ZNF184: variants seen among roughly 807,000 people sequenced by gnomAD.
ZNF184 encodes zinc finger protein 184.
Under a neutral mutation model 54.4 loss-of-function variants are expected in ZNF184, and 16 were observed. That is an observed-to-expected ratio of 0.29 (90% CI 0.20 to 0.45). The LOEUF (loss-of-function observed/expected upper bound fraction) is 0.45, where lower values mean the gene tolerates loss of function less well. ZNF184 is among the 20% of genes least tolerant of loss of function. ZNF184 has a pLI of 1.00. For missense variants in ZNF184, 681 were observed against 888.2 expected (o/e 0.77, Z 2.97); for synonymous variants, 254 against 295.3 (o/e 0.86, Z 1.43).
intron 3 of ZNF184, among the ~76,000 whole-genome samples, chr6:27,463,037 G>A (rs1216199738): frequency 7.3e-6 from 1 of 137,830 alleles, no homozygotes; most frequent in Non-Finnish European, 1.6e-5. Context: ...CAAAACGTTA[G>A]GCAGAGATAT....
downstream of ZNF184, among the ~76,000 whole-genome samples, chr6:27,447,369 T>C (rs150138214): frequency 2.0e-5 from 3 of 152,232 alleles, no homozygotes; most frequent in Non-Finnish European, 2.9e-5. Flanking sequence ...AAAATTCATG[T>C]TGAAATTTAA....
rs189334276 is a variant in ZNF184, at chr6:27,456,190, A to T, written c.298+636T>A. ...GGAGGATTACTCAAGCCTGGGAAGC[A>T]GAAGCTGCAGTGAGCCAAGATTACG... On this transcript the variant is annotated intron_variant, in intron 5 of 5. Coordinates refer to ENST00000683788, the MANE Select transcript of ZNF184 (RefSeq NM_001318891.2). Among the ~76,000 whole-genome samples, 923 of 152,196 alleles carry T rather than the reference A, an allele frequency of 6.1e-3. 19 individuals carry two copies. Among genetic ancestry groups the T allele is most frequent in the Middle Eastern group, 0.017 (5 of 294 alleles).
downstream of ZNF184, among the ~76,000 whole-genome samples, chr6:27,450,330 C>T (rs750283081): frequency 2.6e-5 from 4 of 152,190 alleles, no homozygotes; most frequent in Non-Finnish European, 5.9e-5. Context: ...ATGTTGAAAG[C>T]CTAATCTGCA....
chr6:27,409,705 AAGTT>A, the ZNF184 span, among the ~76,000 whole-genome samples: 1 of 152,140 alleles, frequency 6.6e-6, no homozygotes, highest in Admixed American at 6.5e-5. Flanking sequence ...AAGTTATAGT[AAGTT>A]AAGATTAATT....
downstream of ZNF184, among the ~76,000 whole-genome samples, chr6:27,450,362 G>A (rs1242098848): frequency 6.6e-6 from 1 of 152,060 alleles, no homozygotes; most frequent in Admixed American, 6.6e-5. Context: ...TTAGGAGGGG[G>A]GCCTTTGGGA....
intron 3 of ZNF184, among the ~76,000 whole-genome samples, chr6:27,464,237 C>A (rs1242549642): frequency 6.6e-6 from 1 of 152,166 alleles, no homozygotes; most frequent in Non-Finnish European, 1.5e-5. Context: ...TAATTATACA[C>A]AATTATTTTC....
chr6:27,459,467 G>A (rs1762945602), intron 3 of ZNF184, among the ~76,000 whole-genome samples: 1 of 151,648 alleles, frequency 6.6e-6, no homozygotes, highest in Admixed American at 6.6e-5. Flanking sequence ...CGAGGAAAAT[G>A]TGAAACCATG....
At chr6:27,420,781 C>T in the ZNF184 span, among the ~76,000 whole-genome samples, 1 of 152,158 alleles carries the variant, frequency 6.6e-6, no homozygotes, top group East Asian at 1.9e-4. Flanking sequence ...TCAGCAATCG[C>T]ACTCATTGGC....
chr6:27,454,989 C>T (rs374657964), intron 5 of ZNF184, among the ~76,000 whole-genome samples: 1 of 152,012 alleles, frequency 6.6e-6, no homozygotes. Flanking sequence ...AAGACAGCTC[C>T]GAGAAGATGG....
Position 27,451,186 on chromosome 6 carries a change from A to G in ZNF184, c.*117T>C. Reference sequence around the variant, plus strand: ...TGTACTTTCCATTCCATAACATGATAGTGAAAATTTAAAAGATTTCAAGGC... The same window carrying G: ...TGTACTTTCCATTCCATAACATGATGGTGAAAATTTAAAAGATTTCAAGGC... On this transcript the variant is annotated 3_prime_UTR_variant, in exon 6 of 6. Coordinates refer to ENST00000683788, the MANE Select transcript of ZNF184 (RefSeq NM_001318891.2). 1 of 1,226,696 alleles carries G rather than the reference A, an allele frequency of 8.2e-7. No individual in the cohort carries two copies. The highest frequency in any genetic ancestry group is 1.1e-6 in the Non-Finnish European group (1 of 889,560). The allele number at this position is 1,226,696 out of a possible 1,614,324, so 76.0% of individuals were successfully genotyped here.
At chr6:27,436,312 C>A in the ZNF184 span, among the ~76,000 whole-genome samples, 1 of 152,064 alleles carries the variant, frequency 6.6e-6, no homozygotes, top group Non-Finnish European at 1.5e-5. Flanking sequence ...TACAGGCACA[C>A]GCCACCACCC....
the ZNF184 span, among the ~76,000 whole-genome samples, chr6:27,440,134 A>C: frequency 6.6e-6 from 1 of 152,220 alleles, no homozygotes; most frequent in African/African-American, 2.4e-5. Flanking sequence ...AGTTAAAGAA[A>C]CACGTTTTTG....
chr6:27,404,326 C>A, the ZNF184 span: 1 of 152,200 alleles, frequency 6.6e-6, no homozygotes, highest in African/African-American at 2.4e-5. Context: ...TGTAATTATA[C>A]AATGTCTTTG....
intron 5 of ZNF184, among the ~76,000 whole-genome samples, chr6:27,454,449 G>T (rs952346272): frequency 1.3e-5 from 2 of 152,162 alleles, no homozygotes; most frequent in Non-Finnish European, 2.9e-5. Context: ...GGAAACAGCC[G>T]ATTGTTCAAG....
At chr6:27,422,148 A>AAAGAAAG in the ZNF184 span, among the ~76,000 whole-genome samples, 15 of 43,464 alleles carry the variant, frequency 3.5e-4, no homozygotes, top group Admixed American at 9.8e-4. Context: ...CTCAAAAAAA[A>AAAGAAAG]AAAGAAAGAA....
downstream of ZNF184, among the ~76,000 whole-genome samples, chr6:27,445,908 G>A (rs1167863776): frequency 1.3e-5 from 2 of 152,142 alleles, no homozygotes; most frequent in Non-Finnish European, 2.9e-5. Context: ...GACGAACTGG[G>A]ATATCTGGTG....
the ZNF184 span, among the ~76,000 whole-genome samples, chr6:27,424,049 A>G: frequency 2.0e-5 from 3 of 152,164 alleles, no homozygotes; most frequent in African/African-American, 7.2e-5. Flanking sequence ...GAGCGTTACA[A>G]CTCCTAAAGT....
At chr6:27,422,219 A>AGAAG in the ZNF184 span, among the ~76,000 whole-genome samples, 1 of 150,558 alleles carries the variant, frequency 6.6e-6, no homozygotes, top group Non-Finnish European at 1.5e-5. Context: ...AAAGAAAGAA[A>AGAAG]AGAAAAGAAA....
At chr6:27,440,720 C>G in the ZNF184 span, among the ~76,000 whole-genome samples, 1 of 152,068 alleles carries the variant, frequency 6.6e-6, no homozygotes, top group Admixed American at 6.6e-5. Context: ...AGAGAAGGTG[C>G]AGGCCGGGCA....
Sources: allele counts gnomAD v4.1 joint callset (sites outside exome capture counted in the v4.1 genomes callset), GRCh38; gene constraint gnomAD v4.1.1; transcripts MANE v1.5; gene names NCBI Gene and HGNC (gene_info 2026-07-23, HGNC 2026-07-21).